TSLP: variants seen among roughly 807,000 people sequenced by gnomAD.
TSLP encodes the protein thymic stromal lymphopoietin, also known as thymic stroma-derived lymphopoietin.
TSLP carries 12 observed loss-of-function variants against 12.4 expected under a neutral mutation model. That is an observed-to-expected ratio of 0.97 (90% CI 0.62 to 1.57). The LOEUF is 1.57. Among genes scored for constraint, TSLP ranks in the 40% most tolerant of loss-of-function variants. The pLI is 0.00. For synonymous variants in TSLP, 97 were observed against 69.5 expected, an observed-to-expected ratio of 1.40 and a Z score of -1.97; for missense variants, 222 against 189.6, an observed-to-expected ratio of 1.17 and a Z score of -1.00.
intron 2 of TSLP, chr5:111,073,247 C>G: frequency 7.2e-7 from 1 of 1,397,234 alleles, no homozygotes; most frequent in Non-Finnish European, 9.3e-7. Context: ...TTGGCAGCCT[C>G]CGCCCCCTGG....
At chr5:111,074,570 T>C (rs1355753524) in intron 3 of TSLP, among the ~76,000 whole-genome samples, 1 of 152,010 alleles carries the variant, frequency 6.6e-6, no homozygotes, top group Non-Finnish European at 1.5e-5. Context: ...TGATTGCTCC[T>C]TATTAGCCTA....
At position 111,073,062 on chromosome 5, in the gene TSLP, G is replaced by A. The variant is rs948071790; in HGVS notation, c.216+130G>A. The A allele has an allele frequency of 2.1e-5, 24 of 1,118,948 alleles. No individual in the cohort carries two copies. In the African/African-American group the frequency reaches 3.3e-4, roughly 15 times the overall value. The allele number at this position is 1,118,948 out of a possible 1,614,324, so 69.3% of individuals were successfully genotyped here. A position where few individuals can be genotyped will look rare whatever the true frequency, so the allele number is the denominator to read the frequency against. On this transcript the variant is annotated intron_variant, in intron 2 of 3. Coordinates refer to ENST00000344895, the MANE Select transcript of TSLP (RefSeq NM_033035.5). The stretch of plus-strand genomic sequence containing the variant: ...CGGGACGCCGCCGCCGGGGGAAAGG[G>A]GACATCTGGGCTGTCAGAGCGGGGC...
At position 111,073,450 on chromosome 5, in the gene TSLP, C is replaced by G. The variant is rs2289278; in HGVS notation, c.217-61C>G. 0.074 allele frequency: 118,708 copies of G among 1,607,470 alleles called. 5,728 individuals are homozygous for G. Among genetic ancestry groups the G allele is most frequent in the East Asian group, 0.2 (9,048 of 44,798 alleles). On this transcript the variant is annotated intron_variant, in intron 2 of 3. Transcript: ENST00000344895. Reference sequence around the variant, plus strand: ...CCCCTCCCCTTTCACTCAATTCTCACCAACTCTTTCTCTCTCTGGTGTTTT... The same window carrying G: ...CCCCTCCCCTTTCACTCAATTCTCAGCAACTCTTTCTCTCTCTGGTGTTTT...
chr5:111,073,251 C>T (rs1230012529), intron 2 of TSLP: 2 of 1,398,866 alleles, frequency 1.4e-6, no homozygotes, highest in African/African-American at 2.9e-5. Context: ...CAGCCTCCGC[C>T]CCCTGGAGAC....
Position 111,073,522 on chromosome 5 carries a change from T to C in TSLP, c.228T>C (p.Leu76=). The C allele has an allele frequency of 6.2e-7, 1 of 1,614,152 alleles. No homozygotes were observed. The highest frequency in any genetic ancestry group is 8.5e-7 in the Non-Finnish European group (1 of 1,180,024). Residue 76 remains leucine, a synonymous_variant, in exon 3 of 4, where the codon CTT becomes CTC. Coordinates refer to ENST00000344895, the MANE Select transcript of TSLP (RefSeq NM_033035.5). ...CCGCCTATGAGCAGCCACATTGCCT[T>C]ACTGAAATCCAGAGCCTAACCTTCA... is the stretch of plus-strand genomic sequence containing the variant. ...TVSCSNRPHC[L]TEIQSLTFNP...
At position 111,077,876 on chromosome 5, in the gene TSLP, T is replaced by C. The variant is rs1023879261; in HGVS notation, c.*1802T>C. 2 of 152,658 alleles carry C rather than the reference T, an allele frequency of 1.3e-5. No homozygotes were observed. Among genetic ancestry groups the C allele is most frequent in the African/African-American group, 4.8e-5 (2 of 41,470 alleles). 9.5% of individuals were successfully genotyped at this position (152,658 alleles called of 1,614,324 possible). A position where few individuals can be genotyped will look rare whatever the true frequency, so the allele number is the denominator to read the frequency against. Reference sequence around the variant, plus strand: ...TGGGCAAGAGATTGCATCATACTAATTTAGTAAGAACGTTCCCAAATGTTG... The same window carrying C: ...TGGGCAAGAGATTGCATCATACTAACTTAGTAAGAACGTTCCCAAATGTTG... On this transcript the variant is annotated 3_prime_UTR_variant, in exon 4 of 4. Coordinates refer to ENST00000344895, the MANE Select transcript of TSLP (RefSeq NM_033035.5).
intron 2 of TSLP, 106 bp downstream of exon 2, chr5:111,073,038 G>C (rs1752384506): frequency 7.3e-6 from 10 of 1,375,902 alleles, no homozygotes; most frequent in Non-Finnish European, 1.0e-5. Flanking sequence ...CCTGGGCTCC[G>C]GGACGCCGCC....
At chr5:111,075,246 C>T (rs1053920496) in intron 3 of TSLP, among the ~76,000 whole-genome samples, 4 of 152,030 alleles carry the variant, frequency 2.6e-5, no homozygotes, top group African/African-American at 9.7e-5. Flanking sequence ...TGCTTAATAA[C>T]CCTGTGACTT....
chr5:111,077,433 C>G lies in TSLP; in HGVS notation c.*1359C>G, dbSNP rs1195673864. The G allele has an allele frequency of 6.6e-6, 1 of 152,188 alleles. No homozygotes were observed. Among genetic ancestry groups the G allele is most frequent in the Non-Finnish European group, 1.5e-5 (1 of 68,054 alleles). 9.4% of individuals were successfully genotyped at this position (152,188 alleles called of 1,614,324 possible). Reference sequence around the variant, plus strand: ...AAAGTAGGTAAGACTCAGCCTTTGTCCAGAGAAGCTCAGGGTATAGCTGAA... The same window carrying G: ...AAAGTAGGTAAGACTCAGCCTTTGTGCAGAGAAGCTCAGGGTATAGCTGAA... On this transcript the variant is annotated 3_prime_UTR_variant, in exon 4 of 4. Transcript: ENST00000344895.
At chr5:111,072,724 T>C (rs1437670873) in intron 1 of TSLP, among the ~76,000 whole-genome samples, 164 bp from the exon 2 acceptor site, 3 of 152,092 alleles carry the variant, frequency 2.0e-5, no homozygotes, top group Non-Finnish European at 4.4e-5. Flanking sequence ...ACCAGCACTA[T>C]CTAATGGCTA....
intron 3 of TSLP, among the ~76,000 whole-genome samples, chr5:111,074,970 T>A (rs1752459048): frequency 1.3e-5 from 2 of 152,122 alleles, no homozygotes; most frequent in African/African-American, 4.8e-5. Flanking sequence ...CTGATCTGGG[T>A]TGAGCTTGAA....
At chr5:111,073,373 CCTCTT>C in intron 2 of TSLP, 133 bp from the exon 3 acceptor site, 1 of 1,536,120 alleles carries the variant, frequency 6.5e-7, no homozygotes, top group East Asian at 2.3e-5. Context: ...TCAACCCTGA[CCTCTT>C]CTCTCTGACT....
At chr5:111,075,518 G>A (rs1752476264) in intron 3 of TSLP, among the ~76,000 whole-genome samples, 1 of 152,152 alleles carries the variant, frequency 6.6e-6, no homozygotes, top group Non-Finnish European at 1.5e-5. Flanking sequence ...TTGTCAGGGA[G>A]GTCTTGAAAT....
intron 1 of TSLP, 32 bp from the exon 2 acceptor site, chr5:111,072,856 T>G: frequency 1.9e-6 from 3 of 1,612,472 alleles, no homozygotes; most frequent in Non-Finnish European, 2.5e-6. Context: ...TAAAAGTCTT[T>G]ACCCTCTTTG....
In TSLP at chr5:111,072,040, C is replaced by G; in HGVS notation, c.150C>G (p.Asp50Glu). Residue 50 changes from aspartate (D) to glutamate (E), a missense_variant, in exon 1 of 4, where the codon GAC (aspartate) becomes GAG (glutamate). Transcript: ENST00000344895. ...KAAYLSTISK[D>E]LITYMSGTKS... ...CCTATCTCAGTACTATTTCTAAAGACCTGATTACATATATGAGTGGGGTAA... is the reference window on the plus strand; with the variant it reads ...CCTATCTCAGTACTATTTCTAAAGAGCTGATTACATATATGAGTGGGGTAA... 1 of 1,613,642 alleles carries G rather than the reference C, an allele frequency of 6.2e-7. No individual in the cohort carries two copies. The highest frequency in any genetic ancestry group is 8.5e-7 in the Non-Finnish European group (1 of 1,179,838).
intron 1 of TSLP, among the ~76,000 whole-genome samples, chr5:111,072,626 T>C (rs1752371807): frequency 6.6e-6 from 1 of 152,150 alleles, no homozygotes; most frequent in African/African-American, 2.4e-5. Context: ...CTCACAAGCA[T>C]AGTGCTATGT....
At chr5:111,072,755 C>A in intron 1 of TSLP, 133 bp from the exon 2 acceptor site, 1 of 873,946 alleles carries the variant, frequency 1.1e-6, no homozygotes, top group Non-Finnish European at 1.9e-6. Flanking sequence ...TTGTCAATGA[C>A]ATAGGAAAAA....
intron 1 of TSLP, 41 bp from the exon 2 acceptor site, chr5:111,072,846 TA>T: frequency 6.2e-7 from 1 of 1,607,310 alleles, no homozygotes; most frequent in Non-Finnish European, 8.5e-7. Flanking sequence ...CTTGTGGACT[TA>T]AAAGTCTTTA....
At chr5:111,070,880 T>A (rs1462515337), upstream of TSLP, 1 of 152,308 alleles carries the variant, frequency 6.6e-6, no homozygotes, top group Non-Finnish European at 1.5e-5. Flanking sequence ...CTCCGTGCGG[T>A]CGCCGCTGGG....
Sources: allele counts gnomAD v4.1 joint callset (sites outside exome capture counted in the v4.1 genomes callset), GRCh38; gene constraint gnomAD v4.1.1; transcripts MANE v1.5; gene names NCBI Gene and HGNC (gene_info 2026-07-23, HGNC 2026-07-21).